The following AGPAT3 variants were observed in gnomAD, a reference collection of about 807,000 sequenced individuals.
The protein encoded by AGPAT3 is 1-acyl-sn-glycerol-3-phosphate acyltransferase gamma.
AGPAT3 carries 5 observed loss-of-function variants against 47.3 expected under a neutral mutation model. The ratio of observed to expected loss-of-function variants is 0.11; its 90% CI spans 0.06 to 0.22. The LOEUF (loss-of-function observed/expected upper bound fraction) is 0.22, where lower values mean the gene tolerates loss of function less well. Ranked by LOEUF, AGPAT3 falls within the 10% of genes least tolerant of loss-of-function variation. The probability of loss-of-function intolerance (pLI) is 1.00; values close to 1 mark genes in which losing one functional copy is unlikely to be tolerated. For synonymous variants in AGPAT3, 212 were observed against 208.3 expected (o/e 1.02, Z -0.15); for missense variants, 315 against 493.0 (o/e 0.64, Z 3.42).
intron 1 of AGPAT3, among the ~76,000 whole-genome samples, chr21:43,877,921 C>G (rs2085769599): frequency 6.6e-6 from 1 of 152,064 alleles, no homozygotes; most frequent in Admixed American, 6.6e-5. Flanking sequence ...CCTTCCCCAT[C>G]TATGGCTCCT....
At chr21:43,945,726 A>AT (rs950654611) in intron 2 of AGPAT3, among the ~76,000 whole-genome samples, 2 of 152,002 alleles carry the variant, frequency 1.3e-5, no homozygotes, top group African/African-American at 2.4e-5. Flanking sequence ...GAATCAATGC[A>AT]TTTTTTCAAG....
chr21:43,941,670 G>A (rs1203273955), intron 2 of AGPAT3, among the ~76,000 whole-genome samples: 3 of 152,348 alleles, frequency 2.0e-5, no homozygotes, highest in Non-Finnish European at 4.4e-5. Flanking sequence ...AGGAGCAACC[G>A]CTCACTCATC....
chr21:43,945,027 G>GC (rs2146412467), intron 2 of AGPAT3, among the ~76,000 whole-genome samples: 1 of 152,350 alleles, frequency 6.6e-6, no homozygotes, highest in African/African-American at 2.4e-5. Context: ...TTTCTCAGAA[G>GC]CCCAGAGGGA....
intron 3 of AGPAT3, among the ~76,000 whole-genome samples, chr21:43,960,236 G>A (rs939711947): frequency 2.0e-5 from 3 of 152,230 alleles, no homozygotes; most frequent in Non-Finnish European, 4.4e-5. Flanking sequence ...ATGCTGACGC[G>A]TATTTCAGCA....
At chr21:43,958,277 TTG>T (rs1480468888) in intron 2 of AGPAT3, among the ~76,000 whole-genome samples, 2 of 151,588 alleles carry the variant, frequency 1.3e-5, no homozygotes, top group African/African-American at 2.4e-5. Flanking sequence ...ATAGTGCTTG[TTG>T]TGTGTGTGAG....
intron 1 of AGPAT3, among the ~76,000 whole-genome samples, chr21:43,882,953 T>G (rs1249971781): frequency 6.6e-6 from 1 of 152,230 alleles, no homozygotes; most frequent in Admixed American, 6.5e-5. Context: ...GATGCAGGAT[T>G]CCTGGTCAGC....
In AGPAT3 at chr21:43,970,591, G is replaced by T. The variant is rs2089351869; in HGVS notation, c.511-62G>T. The T allele has an allele frequency of 3.8e-6, 6 of 1,573,834 alleles. No individual in the cohort carries two copies. The highest frequency in any genetic ancestry group is 5.2e-6 in the Non-Finnish European group (6 of 1,154,582). ...GCTGCCTGTCAGAGAGGCAGGCCTG[G>T]CCTGGACATGCACCCACCCCAGCTG... On this transcript the variant is annotated intron_variant, in intron 5 of 9. Transcript: ENST00000291572. The surrounding 1 kb of genome is among the most constrained non-coding windows in gnomAD (Gnocchi z 5.8).
At chr21:43,913,475 A>G (rs1307224725) in intron 2 of AGPAT3, among the ~76,000 whole-genome samples, 2 of 152,148 alleles carry the variant, frequency 1.3e-5, no homozygotes, top group Non-Finnish European at 2.9e-5. Context: ...AGTACCAGCT[A>G]CTTGGGAGGC....
Position 43,894,079 on chromosome 21 carries a change from C to T in AGPAT3, c.-111-9878C>T, listed in dbSNP as rs73906664. On this transcript the variant is annotated intron_variant, in intron 1 of 9. Transcript: ENST00000291572. The stretch of plus-strand genomic sequence containing the variant: ...CAGGCACAGTGAACAAGCTTCCTTC[C>T]GGCTTCTGGCGTTCATGCTCGTGAG... Among the ~76,000 whole-genome samples, 1,468 of 152,276 alleles carry T rather than the reference C, an allele frequency of 9.6e-3. 24 individuals are homozygous for T. The highest frequency in any genetic ancestry group is 0.034 in the African/African-American group (1,398 of 41,550).
chr21:43,968,967 G>A (rs563216188), intron 4 of AGPAT3, 151 bp from the exon 5 acceptor site: 180 of 749,102 alleles, frequency 2.4e-4, no homozygotes, highest in African/African-American at 5.1e-4. Context: ...CTCAGAAGCC[G>A]GGTCCTGCTT....
chr21:43,886,270 T>A (rs1007310634), intron 1 of AGPAT3, among the ~76,000 whole-genome samples: 1 of 152,098 alleles, frequency 6.6e-6, no homozygotes, highest in African/African-American at 2.4e-5. Flanking sequence ...AAATTTTTTT[T>A]AAAGATGGAG....
intron 1 of AGPAT3, among the ~76,000 whole-genome samples, chr21:43,874,277 C>T (rs895860261): frequency 6.6e-6 from 1 of 152,162 alleles, no homozygotes; most frequent in East Asian, 1.9e-4. Context: ...CCGCCCACCT[C>T]GGCTTCCCCG....
At chr21:43,949,185 ATTTAGG>A (rs1255320885) in intron 2 of AGPAT3, among the ~76,000 whole-genome samples, 1 of 152,120 alleles carries the variant, frequency 6.6e-6, no homozygotes, top group Non-Finnish European at 1.5e-5. Flanking sequence ...TCAGTTATAT[ATTTAGG>A]TTTATGTATC....
At chr21:43,927,622 GA>G (rs895475733) in intron 2 of AGPAT3, among the ~76,000 whole-genome samples, 1 of 152,248 alleles carries the variant, frequency 6.6e-6, no homozygotes, top group African/African-American at 2.4e-5. Flanking sequence ...CCTTTCCAGT[GA>G]AGATGTGAGA....
In AGPAT3 at chr21:43,955,232, C is replaced by T. The variant is rs2088390861; in HGVS notation, c.-48-4402C>T. The stretch of plus-strand genomic sequence containing the variant: ...GCCATGGGATTCTGTGTTTGTGAAC[C>T]TCTAGAAAAGGTAAATTAACCTATA... On this transcript the variant is annotated intron_variant, in intron 2 of 9. Coordinates refer to ENST00000291572, the MANE Select transcript of AGPAT3 (RefSeq NM_020132.5). The surrounding 1 kb of genome is among the most constrained non-coding windows in gnomAD (Gnocchi z 4.1). The T allele has an allele frequency of 8.1e-7, 1 of 1,228,602 alleles. No individual in the cohort carries two copies. The highest frequency in any genetic ancestry group is 1.0e-6 in the Non-Finnish European group (1 of 953,108). 76.1% of individuals were successfully genotyped at this position (1,228,602 alleles called of 1,614,324 possible). A position where few individuals can be genotyped will look rare whatever the true frequency, so the allele number is the denominator to read the frequency against.
At chr21:43,924,585 G>A (rs975349144) in intron 2 of AGPAT3, among the ~76,000 whole-genome samples, 1 of 152,178 alleles carries the variant, frequency 6.6e-6, no homozygotes, top group Non-Finnish European at 1.5e-5. Context: ...TCAGGGTGGC[G>A]GCCACTTCCC....
chr21:43,971,348 G>A (rs779623972), intron 6 of AGPAT3, 40 bp from the exon 7 acceptor site: 16 of 1,586,598 alleles, frequency 1.0e-5, no homozygotes, highest in Admixed American at 1.7e-5. Context: ...CCATGCAGCC[G>A]CCTGGGCTGG....
chr21:43,876,239 T>C (rs1030344103), intron 1 of AGPAT3, among the ~76,000 whole-genome samples: 6 of 152,244 alleles, frequency 3.9e-5, no homozygotes, highest in African/African-American at 1.4e-4. Context: ...TTATTTTCTA[T>C]ACTGTAACTA....
Position 43,981,401 on chromosome 21 carries a change from G to T in AGPAT3, c.1042+214G>T. The T allele has an allele frequency of 1.7e-6, 1 of 597,396 alleles. No individual in the cohort carries two copies. The highest frequency in any genetic ancestry group is 2.9e-6 in the Non-Finnish European group (1 of 339,042). The allele number at this position is 597,396 out of a possible 1,614,324, so 37.0% of individuals were successfully genotyped here. ...CGCCTCCCCAGAGAGCCGAACGGCC[G>T]CCACCTGGCGCCATCCCCACTGCAG... is the stretch of plus-strand genomic sequence containing the variant. On this transcript the variant is annotated intron_variant, in intron 9 of 9. Coordinates refer to ENST00000291572, the MANE Select transcript of AGPAT3 (RefSeq NM_020132.5). This position sits in a 1 kb window ranked among gnomAD's most constrained non-coding sequence, Gnocchi z 5.3.
Sources: allele counts gnomAD v4.1 joint callset (sites outside exome capture counted in the v4.1 genomes callset), GRCh38; gene constraint gnomAD v4.1.1; non-coding constraint Gnocchi (gnomAD v3.1); transcripts MANE v1.5; gene names NCBI Gene and HGNC (gene_info 2026-07-23, HGNC 2026-07-21).